The following NUFIP1 variants were observed in gnomAD, a reference collection of about 807,000 sequenced individuals.
NUFIP1 encodes the protein FMR1-interacting protein NUFIP1.
NUFIP1 carries 38 observed loss-of-function variants against 56.2 expected under a neutral mutation model. The ratio of observed to expected loss-of-function variants is 0.68; its 90% confidence interval spans 0.52 to 0.89. NUFIP1 has a LOEUF of 0.89. NUFIP1 is among the 40% of genes least tolerant of loss of function. NUFIP1 has a pLI of 0.00. For synonymous variants in NUFIP1, 215 were observed against 212.4 expected, an observed-to-expected ratio of 1.01 and a Z score of -0.10; for missense variants, 567 against 605.8, an observed-to-expected ratio of 0.94 and a Z score of 0.67.
At chr13:44,979,354 T>A in intron 4 of NUFIP1, 88 bp from the exon 5 acceptor site, 1 of 1,031,936 alleles carries the variant, frequency 9.7e-7, no homozygotes, top group Non-Finnish European at 1.4e-6. Context: ...AGTAAACTTA[T>A]GTTGGACACA....
At chr13:44,968,406 G>GA (rs11306471) in intron 5 of NUFIP1, among the ~76,000 whole-genome samples, 122 of 121,024 alleles carry the variant, frequency 1.0e-3, no homozygotes, top group South Asian at 8.4e-3. Context: ...ACACTGAGAA[G>GA]AAAAAAAAAA....
chr13:44,976,016 G>A (rs1045321234), intron 5 of NUFIP1, among the ~76,000 whole-genome samples: 1 of 152,158 alleles, frequency 6.6e-6, no homozygotes, highest in Non-Finnish European at 1.5e-5. Context: ...AATCAATGCT[G>A]ACTAGTAACC....
At chr13:44,988,427 C>G (rs1209051822) in intron 1 of NUFIP1, among the ~76,000 whole-genome samples, 1 of 151,870 alleles carries the variant, frequency 6.6e-6, no homozygotes, top group African/African-American at 2.4e-5. Context: ...TCACTCCAGC[C>G]TGGGCGACAG....
At chr13:44,949,699 T>C (rs1871022613) in intron 8 of NUFIP1, 23 bp downstream of exon 8, 2 of 1,481,882 alleles carry the variant, frequency 1.3e-6, no homozygotes, top group Non-Finnish European at 1.8e-6. Context: ...CAAAACCCTG[T>C]AACAACACAC....
At chr13:44,966,761 G>C (rs903451250) in intron 5 of NUFIP1, among the ~76,000 whole-genome samples, 1 of 151,744 alleles carries the variant, frequency 6.6e-6, no homozygotes, top group Non-Finnish European at 1.5e-5. Flanking sequence ...ATCATTTGAG[G>C]TCAGGAGTTC....
At chr13:44,987,339 T>C (rs370432823) in intron 1 of NUFIP1, among the ~76,000 whole-genome samples, 2 of 151,654 alleles carry the variant, frequency 1.3e-5, no homozygotes, top group East Asian at 1.9e-4. Context: ...GATCACGCCA[T>C]TGCACTCCAG....
chr13:44,985,729 G>A (rs536424237), intron 1 of NUFIP1, among the ~76,000 whole-genome samples: 26 of 152,190 alleles, frequency 1.7e-4, no homozygotes, highest in African/African-American at 5.8e-4. Flanking sequence ...TCTACCAACC[G>A]GTGGTTCTCC....
At chr13:44,970,872 C>T (rs1382664363) in intron 5 of NUFIP1, among the ~76,000 whole-genome samples, 3 of 151,988 alleles carry the variant, frequency 2.0e-5, no homozygotes, top group Non-Finnish European at 4.4e-5. Flanking sequence ...GATAGGGTTT[C>T]GCCATGTTGG....
chr13:44,949,990 C>T (rs1871036903), intron 7 of NUFIP1, 152 bp from the exon 8 acceptor site: 1 of 657,982 alleles, frequency 1.5e-6, no homozygotes, highest in Non-Finnish European at 2.7e-6. Flanking sequence ...GAAACACTTC[C>T]CCTTGGTTTA....
At chr13:44,941,464 A>G (rs1181885816) in intron 9 of NUFIP1, 142 bp from the exon 10 acceptor site, 2 of 538,112 alleles carry the variant, frequency 3.7e-6, no homozygotes, top group African/African-American at 1.9e-5. Context: ...TTGCTAAAAA[A>G]CGATGCAAGA....
At chr13:44,963,145 G>A (rs1871482695) in intron 6 of NUFIP1, among the ~76,000 whole-genome samples, 1 of 151,954 alleles carries the variant, frequency 6.6e-6, no homozygotes, top group Non-Finnish European at 1.5e-5. Context: ...TGGATTTGGG[G>A]GAGAATTAAG....
intron 7 of NUFIP1, among the ~76,000 whole-genome samples, chr13:44,957,421 A>C (rs1477090824): frequency 1.3e-5 from 2 of 152,188 alleles, no homozygotes; most frequent in African/African-American, 4.8e-5. Context: ...CATATTGGCC[A>C]GGCTAGTCGT....
At chr13:44,975,206 T>TACC (rs1871929560) in intron 5 of NUFIP1, among the ~76,000 whole-genome samples, 1 of 152,112 alleles carries the variant, frequency 6.6e-6, no homozygotes, top group South Asian at 2.1e-4. Context: ...CTTTTCACTC[T>TACC]ACCCTGTCTC....
intron 6 of NUFIP1, among the ~76,000 whole-genome samples, chr13:44,964,719 G>A (rs74068650): frequency 0.11 from 16,959 of 151,694 alleles, 1,783 homozygotes; most frequent in African/African-American, 0.27. Flanking sequence ...AAGGTTGGGG[G>A]AAAAAAACGA....
chr13:44,968,873 G>A (rs1277311270), intron 5 of NUFIP1, among the ~76,000 whole-genome samples: 1 of 152,132 alleles, frequency 6.6e-6, no homozygotes, highest in Admixed American at 6.5e-5. Flanking sequence ...GTGGATTTTA[G>A]GTAAGATATA....
At chr13:44,977,401 C>T (rs559303301) in intron 5 of NUFIP1, among the ~76,000 whole-genome samples, 1 of 152,178 alleles carries the variant, frequency 6.6e-6, no homozygotes, top group Non-Finnish European at 1.5e-5. Context: ...AAATCAACTA[C>T]GTCACTAAGC....
intron 5 of NUFIP1, 24 bp from the exon 6 acceptor site, chr13:44,965,960 A>C (rs774669238): frequency 7.3e-7 from 1 of 1,376,098 alleles, no homozygotes; most frequent in Non-Finnish European, 1.0e-6. Context: ...AAAGTTAATT[A>C]TAATAGGGCT....
intron 5 of NUFIP1, among the ~76,000 whole-genome samples, chr13:44,976,824 A>G (rs1307443385): frequency 6.6e-6 from 1 of 152,230 alleles, no homozygotes; most frequent in Non-Finnish European, 1.5e-5. Context: ...AAGGGGGCTC[A>G]CAGGAGACAG....
chr13:44,944,465 C>T (rs989473361), intron 8 of NUFIP1, among the ~76,000 whole-genome samples: 2 of 152,050 alleles, frequency 1.3e-5, no homozygotes, highest in Admixed American at 1.3e-4. Flanking sequence ...ACTGATAGAA[C>T]TGAGAAGAGA....
Sources: gnomAD v4.1 joint callset for allele counts (sites outside exome capture counted in the v4.1 genomes callset) on GRCh38, gnomAD v4.1.1 for gene constraint, MANE v1.5 for transcripts, NCBI Gene and HGNC (gene_info 2026-07-23, HGNC 2026-07-21) for gene names.